ACTR3: variants seen among roughly 807,000 people sequenced by gnomAD.
ACTR3 encodes the protein actin related protein 3.
A neutral mutation model predicts 56.8 loss-of-function variants in ACTR3; 12 were observed. That is an observed-to-expected ratio of 0.21 (90% CI 0.14 to 0.34). ACTR3 has a LOEUF of 0.34. Ranked by LOEUF, ACTR3 falls within the 10% of genes least tolerant of loss-of-function variation. The pLI, the probability that ACTR3 is intolerant of heterozygous loss-of-function variation, is 1.00. For missense variants in ACTR3, 282 were observed against 512.5 expected (o/e 0.55, Z 4.34); for synonymous variants, 162 against 167.4 (o/e 0.97, Z 0.25).
chr2:113,918,039 A>G (rs546434641), intron 3 of ACTR3, among the ~76,000 whole-genome samples: 1 of 152,294 alleles, frequency 6.6e-6, no homozygotes, highest in South Asian at 2.1e-4. Context: ...GCTTTACAGT[A>G]TGAGAGGGAC....
chr2:113,934,140 T>C (rs925892241), intron 5 of ACTR3, 139 bp from the exon 6 acceptor site: 1 of 610,756 alleles, frequency 1.6e-6, no homozygotes, highest in African/African-American at 1.9e-5. Context: ...ATTAATTTTA[T>C]GTATTTTCTT....
rs145613723 is a variant in ACTR3, at chr2:113,936,546, A to G, written c.540+2160A>G. ...CAAATAACATTCTACTACTTCATAAATAATAATTATACAACAGCTTTGACC... is the reference window on the plus strand; with the variant it reads ...CAAATAACATTCTACTACTTCATAAGTAATAATTATACAACAGCTTTGACC... On this transcript the variant is annotated intron_variant, in intron 6 of 11. Transcript: ENST00000263238. Among the ~76,000 whole-genome samples the G allele has an allele frequency of 4.4e-3, 669 of 152,308 alleles. 10 individuals are homozygous for G. The highest frequency in any genetic ancestry group is 0.029 in the East Asian group (150 of 5,186).
chr2:113,957,350 T>C lies in ACTR3; in HGVS notation c.1162-10T>C. The C allele has an allele frequency of 1.2e-6, 2 of 1,605,780 alleles. No homozygotes were observed. The highest frequency in any genetic ancestry group is 2.2e-5 in the South Asian group (2 of 90,810). On this transcript the variant is annotated splice_polypyrimidine_tract_variant and intron_variant, in intron 11 of 11. Transcript: ENST00000263238. ...TGACCCTTATAAAAATACATATTTT[T>C]TGTTTTCAGCCTGAGTTCTACCAAG... is the stretch of plus-strand genomic sequence containing the variant.
chr2:113,940,039 G>A lies in ACTR3; in HGVS notation c.621G>A (p.Leu207=), dbSNP rs1250753044. ...GRDITYFIQQ[L]LRDREVGIPP... ...ATATAACATATTTTATTCAGCAACTGCTGAGAGACCGAGAAGTAGGAATCC... is the reference window on the plus strand; with the variant it reads ...ATATAACATATTTTATTCAGCAACTACTGAGAGACCGAGAAGTAGGAATCC... The change falls in exon 7 of 12, where the codon CTG becomes CTA. Residue 207 remains leucine, a synonymous_variant. Transcript: ENST00000263238. 6.2e-7 allele frequency: 1 copy of A among 1,613,374 alleles called. No individual in the cohort carries two copies. Among genetic ancestry groups the A allele is most frequent in the Non-Finnish European group, 8.5e-7 (1 of 1,179,702 alleles).
At chr2:113,902,841 C>T (rs6716919) in intron 1 of ACTR3, among the ~76,000 whole-genome samples, 11,177 of 152,196 alleles carry the variant, frequency 0.073, 458 homozygotes, top group African/African-American at 0.1. Flanking sequence ...CTCAGGTGAT[C>T]GCCCGCCTGG....
At chr2:113,924,445 C>T (rs935133816) in intron 3 of ACTR3, among the ~76,000 whole-genome samples, 12 of 152,198 alleles carry the variant, frequency 7.9e-5, no homozygotes, top group African/African-American at 2.4e-4. Flanking sequence ...TATTGGTACT[C>T]TTGTTCTCAC....
intron 4 of ACTR3, among the ~76,000 whole-genome samples, chr2:113,927,673 G>A (rs1333414504): frequency 1.3e-5 from 2 of 152,062 alleles, no homozygotes; most frequent in African/African-American, 2.4e-5. Flanking sequence ...AAGTGCTTTT[G>A]GTAGTTAATG....
rs2104609915 is a variant in ACTR3, at chr2:113,932,099, C to T, written c.432+703C>T. ...TGAGGTCTGTCTGACTTTGCTCTTT[C>T]TTGGGATCACACTGGTTTTTGTAAC... is the stretch of plus-strand genomic sequence containing the variant. On this transcript the variant is annotated intron_variant, in intron 5 of 11. Transcript: ENST00000263238. Among the ~76,000 whole-genome samples the T allele has an allele frequency of 2.0e-5, 3 of 152,268 alleles. 1 individual carries two copies. In the East Asian group the frequency reaches 5.8e-4, roughly 29 times the overall value.
intron 3 of ACTR3, among the ~76,000 whole-genome samples, chr2:113,921,869 T>C (rs967026091): frequency 2.6e-5 from 4 of 152,144 alleles, no homozygotes; most frequent in Non-Finnish European, 4.4e-5. Context: ...GGGTTGACAT[T>C]ACCTAGGGGA....
At chr2:113,921,552 T>C (rs1679512073) in intron 3 of ACTR3, among the ~76,000 whole-genome samples, 1 of 152,188 alleles carries the variant, frequency 6.6e-6, no homozygotes, top group Admixed American at 6.5e-5. Context: ...CCCGTACCAA[T>C]GTTGTGAGAG....
chr2:113,912,644 T>C (rs1188807362), intron 1 of ACTR3, among the ~76,000 whole-genome samples: 1 of 152,188 alleles, frequency 6.6e-6, no homozygotes, highest in Non-Finnish European at 1.5e-5. Context: ...AGAGATACGT[T>C]GTGCCTATAC....
intron 3 of ACTR3, among the ~76,000 whole-genome samples, chr2:113,919,850 G>A (rs1289285709): frequency 1.3e-5 from 2 of 150,878 alleles, no homozygotes; most frequent in Non-Finnish European, 3.0e-5. Flanking sequence ...CTGGACTCAA[G>A]AGATTTTCAC....
chr2:113,922,024 G>C (rs1283880935), intron 3 of ACTR3, among the ~76,000 whole-genome samples: 2 of 152,178 alleles, frequency 1.3e-5, no homozygotes, highest in Admixed American at 1.3e-4. Flanking sequence ...ATGAGCTAGA[G>C]CCCATAGATA....
intron 3 of ACTR3, among the ~76,000 whole-genome samples, chr2:113,917,479 C>T (rs1342189827): frequency 1.3e-5 from 2 of 152,026 alleles, no homozygotes; most frequent in East Asian, 1.9e-4. Context: ...GTTAATTATA[C>T]AGTTCGAAGA....
chr2:113,890,743 G>T, intron 1 of ACTR3: 2 of 1,054,256 alleles, frequency 1.9e-6, no homozygotes, highest in Non-Finnish European at 2.3e-6. Context: ...TCGGGGACTG[G>T]CCTGGCAGGG....
At chr2:113,893,403 C>T (rs1219286483) in intron 1 of ACTR3, among the ~76,000 whole-genome samples, 1 of 152,062 alleles carries the variant, frequency 6.6e-6, no homozygotes, top group Non-Finnish European at 1.5e-5. Context: ...AAGCTATTCT[C>T]CTGCCTCAGC....
At chr2:113,917,184 T>C (rs1261291012) in intron 3 of ACTR3, among the ~76,000 whole-genome samples, 176 bp downstream of exon 3, 1 of 152,084 alleles carries the variant, frequency 6.6e-6, no homozygotes, top group African/African-American at 2.4e-5. Flanking sequence ...TTTTTTCTTT[T>C]TTTTAATAAC....
chr2:113,951,362 G>A (rs981029043), intron 8 of ACTR3, 117 bp from the exon 9 acceptor site: 2 of 628,984 alleles, frequency 3.2e-6, no homozygotes, highest in Non-Finnish European at 5.7e-6. Context: ...TTAGAGACCA[G>A]TATTAGTGGT....
At chr2:113,945,170 G>A (rs1464638875) in intron 8 of ACTR3, among the ~76,000 whole-genome samples, 2 of 152,048 alleles carry the variant, frequency 1.3e-5, no homozygotes, top group African/African-American at 4.8e-5. Flanking sequence ...GGTTTTTGGT[G>A]GTACATTTTC....
Sources: gnomAD v4.1 joint callset for allele counts (sites outside exome capture counted in the v4.1 genomes callset) on GRCh38, gnomAD v4.1.1 for gene constraint, MANE v1.5 for transcripts, NCBI Gene and HGNC (gene_info 2026-07-23, HGNC 2026-07-21) for gene names.